The following SON variants were observed in gnomAD, a reference collection of about 807,000 sequenced individuals.
SON encodes SON DNA and RNA binding protein.
Under a neutral mutation model 173.3 loss-of-function variants are expected in SON, and 4 were observed. That is an observed-to-expected ratio of 0.02 (90% CI 0.01 to 0.05). The LOEUF (loss-of-function observed/expected upper bound fraction) is 0.05. Among genes scored for constraint, SON ranks in the 10% least tolerant of loss-of-function variants. The pLI is 1.00. For missense variants in SON, 2,626 were observed against 3,055.3 expected, an observed-to-expected ratio of 0.86 and a Z score of 3.31; for synonymous variants, 1,190 against 1,105.9, an observed-to-expected ratio of 1.08 and a Z score of -1.51.
chr21:33,576,078 T>A (rs887767342), intron 11 of SON, among the ~76,000 whole-genome samples, 185 bp downstream of exon 11: 2 of 152,130 alleles, frequency 1.3e-5, no homozygotes, highest in African/African-American at 4.8e-5. Context: ...TCCTATTTTT[T>A]AAAAAATTGG....
At chr21:33,566,935 G>A (rs1386983716) in intron 6 of SON, among the ~76,000 whole-genome samples, 8 of 152,074 alleles carry the variant, frequency 5.3e-5, no homozygotes, top group Non-Finnish European at 1.2e-4. Flanking sequence ...CAGATTTTGG[G>A]TTCAGTTCTG....
At position 33,559,542 on chromosome 21, in the gene SON, T is replaced by G; in HGVS notation, c.6469-45T>G. ...GTAGAAAATCTCAAACCATTTAATGTAGATATCATATTGAGCTTTAATTAA... is the reference window on the plus strand; with the variant it reads ...GTAGAAAATCTCAAACCATTTAATGGAGATATCATATTGAGCTTTAATTAA... On this transcript the variant is annotated intron_variant, in intron 5 of 11. Coordinates refer to ENST00000356577, the MANE Select transcript of SON (RefSeq NM_138927.4). The surrounding 1 kb of genome is among the most constrained non-coding windows in gnomAD (Gnocchi z 4.1). 1.3e-6 allele frequency: 2 copies of G among 1,540,844 alleles called. No individual in the cohort carries two copies. Among genetic ancestry groups the G allele is most frequent in the South Asian group, 2.4e-5 (2 of 83,596 alleles).
At position 33,559,754 on chromosome 21, in the gene SON, C is replaced by T. The variant is rs775820167; in HGVS notation, c.6636C>T (p.Phe2212=). 13 of 1,613,876 alleles carry T rather than the reference C, an allele frequency of 8.1e-6. No homozygotes were observed. Among genetic ancestry groups the T allele is most frequent in the Non-Finnish European group, 1.0e-5 (12 of 1,179,936 alleles). The change falls in exon 6 of 12, where the codon TTC becomes TTT. Residue 2212 remains phenylalanine (F), a synonymous_variant. Coordinates refer to ENST00000356577, the MANE Select transcript of SON (RefSeq NM_138927.4). This position sits in a 1 kb window ranked among gnomAD's most constrained non-coding sequence, Gnocchi z 4.1. ...AAAACAAAGATGATGATAATGTTTT[C>T]AGCAGCAATTTGCCCTCAGAGGTAA... is the stretch of plus-strand genomic sequence containing the variant. ...GEENKDDDNV[F]SSNLPSEPVD...
Position 33,552,644 on chromosome 21 carries a change from A to G in SON, c.3413A>G (p.Asp1138Gly). The change falls in exon 3 of 12, where the codon GAC becomes GGC. Residue 1138 changes from aspartate (D) to glycine (G), a missense_variant. Coordinates refer to ENST00000356577, the MANE Select transcript of SON (RefSeq NM_138927.4). The surrounding 1 kb of genome is among the most constrained non-coding windows in gnomAD (Gnocchi z 5.6). ...AADSYTDSYT[D>G]TYTEAYMVPP... ...GATTCTTACACCGATTCTTACACTG[A>G]CACATATACAGAGGCATATATGGTG... 6.2e-7 allele frequency: 1 copy of G among 1,614,042 alleles called. No homozygotes were observed. Among genetic ancestry groups the G allele is most frequent in the Non-Finnish European group, 8.5e-7 (1 of 1,180,006 alleles).
intron 11 of SON, 84 bp from the exon 12 acceptor site, chr21:33,576,281 T>C (rs768640485): frequency 7.3e-5 from 56 of 764,530 alleles, no homozygotes; most frequent in Admixed American, 6.2e-4. Context: ...TTGTAAATTA[T>C]TTTTCTAGCA....
intron 8 of SON, 116 bp downstream of exon 8, chr21:33,569,203 T>G: frequency 1.5e-6 from 1 of 645,308 alleles, no homozygotes; most frequent in Non-Finnish European, 2.8e-6. Context: ...CAAGTAAATT[T>G]GCTATGTGTA....
Position 33,546,300 on chromosome 21 carries a change from T to G in SON, c.165T>G (p.Ser55Arg). The G allele has an allele frequency of 6.2e-7, 1 of 1,613,100 alleles. No homozygotes were observed. The highest frequency in any genetic ancestry group is 8.5e-7 in the Non-Finnish European group (1 of 1,179,582). The change falls in exon 2 of 12, where the codon AGT becomes AGG. Residue 55 changes from serine to arginine, a missense_variant. Physicochemically the swap from Ser to Arg is moderately radical, Grantham distance 110. This residue lies in a region of SON where 757 missense variants were observed against 730.1 expected (regional missense o/e 1.04). Transcript: ENST00000356577. ...QAGDAAASAR[S>R]LPNEEIVQKI... ...GTGATGCAGCTGCCTCTGCCAGGAG[T>G]CTACCAAATGAAGAAATAGTGCAGA...
At position 33,559,179 on chromosome 21, in the gene SON, T is replaced by G. The variant is rs1355059725; in HGVS notation, c.6322-51T>G. 7.4e-7 allele frequency: 1 copy of G among 1,354,462 alleles called. No homozygotes were observed. The highest frequency in any genetic ancestry group is 2.7e-5 in the Admixed American group (1 of 37,684). 83.9% of individuals were successfully genotyped at this position (1,354,462 alleles called of 1,614,324 possible). Reference sequence around the variant, plus strand: ...GTGGTTTTGATTCTAAGAAATTACATGTTCTACATAAAGCGTAAGATTTAT... The same window carrying G: ...GTGGTTTTGATTCTAAGAAATTACAGGTTCTACATAAAGCGTAAGATTTAT... On this transcript the variant is annotated intron_variant, in intron 4 of 11. Coordinates refer to ENST00000356577, the MANE Select transcript of SON (RefSeq NM_138927.4). This position sits in a 1 kb window ranked among gnomAD's most constrained non-coding sequence, Gnocchi z 4.1.
chr21:33,548,294 TGTTATCTCTTTAGG>T (rs1011755250), intron 2 of SON, among the ~76,000 whole-genome samples: 3 of 151,754 alleles, frequency 2.0e-5, no homozygotes, highest in African/African-American at 7.3e-5. Flanking sequence ...TGGGGGAAAA[TGTTATCTCTTTAGG>T]GTATGTAAAT....
chr21:33,559,193 CG>C lies in SON; in HGVS notation c.6322-36del. 2 of 1,467,996 alleles carry C rather than the reference CG, an allele frequency of 1.4e-6. No individual in the cohort carries two copies. The allele number at this position is 1,467,996 out of a possible 1,614,324, so 90.9% of individuals were successfully genotyped here. Reference sequence around the variant, plus strand: ...AAGAAATTACATGTTCTACATAAAGCGTAAGATTTATCTTTTGTTTGTTTTT... The same window carrying C: ...AAGAAATTACATGTTCTACATAAAGCTAAGATTTATCTTTTGTTTGTTTTT... On this transcript the variant is annotated intron_variant, in intron 4 of 11. Transcript: ENST00000356577. The surrounding 1 kb of genome is among the most constrained non-coding windows in gnomAD (Gnocchi z 4.1).
At chr21:33,571,048 A>T (rs529419430) in intron 8 of SON, among the ~76,000 whole-genome samples, 1 of 152,340 alleles carries the variant, frequency 6.6e-6, no homozygotes, top group East Asian at 1.9e-4. Flanking sequence ...CCTTGAAAAA[A>T]GGCTTCAACT....
rs760453766 is a variant in SON, at chr21:33,550,208, T to C, written c.977T>C (p.Met326Thr). The change falls in exon 3 of 12, where the codon ATG (methionine) becomes ACG (threonine). Residue 326 changes from methionine (M) to threonine (T), a missense_variant. Met to Thr is a moderately conservative substitution (Grantham distance 81, BLOSUM62 -1). Coordinates refer to ENST00000356577, the MANE Select transcript of SON (RefSeq NM_138927.4). Reference protein sequence around the residue: ...VYPEPSTSTTMDFPESSAIEA... With the variant: ...VYPEPSTSTTTDFPESSAIEA... ...CCTGAGCCAAGCACATCAACAACAA[T>C]GGATTTTCCAGAGTCATCTGCAATT... 6.8e-6 allele frequency: 11 copies of C among 1,614,220 alleles called. No homozygotes were observed. In the South Asian group the frequency reaches 1.2e-4, roughly 18 times the overall value.
rs370508502 is a variant in SON at position 33,543,111 on chromosome 21, C to G, written c.19C>G (p.Gln7Glu). Reference protein sequence around the residue: MATNIEQIFRSFVVSKF... With the variant: MATNIEEIFRSFVVSKF... Reference sequence around the variant, plus strand: ...GGACGCCATGGCGACCAACATCGAGCAGATTTTTAGGTCTTTCGTGGTCAG... The same window carrying G: ...GGACGCCATGGCGACCAACATCGAGGAGATTTTTAGGTCTTTCGTGGTCAG... The change falls in exon 1 of 12, where the codon CAG becomes GAG. Residue 7 changes from glutamine (Q) to glutamate (E), a missense_variant. This residue lies in a region of SON where 757 missense variants were observed against 730.1 expected (regional missense o/e 1.04). Transcript: ENST00000356577. The G allele has an allele frequency of 3.7e-6, 6 of 1,614,138 alleles. No individual in the cohort carries two copies. In the African/African-American group the frequency reaches 6.7e-5, roughly 18 times the overall value.
Position 33,551,173 on chromosome 21 carries a change from A to G in SON, c.1942A>G (p.Thr648Ala), listed in dbSNP as rs1269885633. The change falls in exon 3 of 12, where the codon ACT becomes GCT. Residue 648 changes from threonine (T) to alanine (A), a missense_variant. Physicochemically the swap from Thr to Ala is moderately conservative, Grantham distance 58. Coordinates refer to ENST00000356577, the MANE Select transcript of SON (RefSeq NM_138927.4). Reference protein sequence around the residue: ...APELPGQPVATVALEISVQSV... With the variant: ...APELPGQPVAAVALEISVQSV... ...AGAGTTGCCTGGGCAGCCTGTGGCA[A>G]CTGTGGCGCTGGAGATCTCTGTTCA... is the stretch of plus-strand genomic sequence containing the variant. 1 of 1,614,022 alleles carries G rather than the reference A, an allele frequency of 6.2e-7. No homozygotes were observed. The highest frequency in any genetic ancestry group is 8.5e-7 in the Non-Finnish European group (1 of 1,179,920).
chr21:33,544,068 G>T (rs2085546563), intron 1 of SON, among the ~76,000 whole-genome samples: 2 of 152,206 alleles, frequency 1.3e-5, no homozygotes, highest in South Asian at 4.1e-4. Flanking sequence ...TTAAAGTACA[G>T]AAGTAGGAAA....
chr21:33,576,201 C>CT (rs2086396590), intron 11 of SON, among the ~76,000 whole-genome samples, 164 bp from the exon 12 acceptor site: 1 of 258 alleles, frequency 3.9e-3, no homozygotes, highest in East Asian at 0.17. Context: ...ATTTGCAGTC[C>CT]CTTTCCCAAA....
At position 33,549,845 on chromosome 21, in the gene SON, T is replaced by C; in HGVS notation, c.614T>C (p.Leu205Pro). Reference sequence around the variant, plus strand: ...TCAGAGCCACACATCTTAGAAACTCTGAAGCCAGCTACAAAAACTGCAGAA... The same window carrying C: ...TCAGAGCCACACATCTTAGAAACTCCGAAGCCAGCTACAAAAACTGCAGAA... ...EVSEPHILETLKPATKTAELS... is the reference protein window; with the variant it reads ...EVSEPHILETPKPATKTAELS... The change falls in exon 3 of 12, where the codon CTG becomes CCG. Residue 205 changes from leucine to proline, a missense_variant. Coordinates refer to ENST00000356577, the MANE Select transcript of SON (RefSeq NM_138927.4). 6.2e-7 allele frequency: 1 copy of C among 1,614,250 alleles called. No homozygotes were observed. Among genetic ancestry groups the C allele is most frequent in the Non-Finnish European group, 8.5e-7 (1 of 1,180,042 alleles).
Position 33,555,250 on chromosome 21 carries a change from A to C in SON, c.6019A>C (p.Arg2007=). The C allele has an allele frequency of 6.2e-7, 1 of 1,612,450 alleles. No individual in the cohort carries two copies. The highest frequency in any genetic ancestry group is 8.5e-7 in the Non-Finnish European group (1 of 1,179,436). ...GAGAAGATCAAGGTCTGTGGTAAGA[A>C]GACGAAGCTTCAGTATCTCACCAGT... ...RRRRSRSVVR[R]RSFSISPVRL... Residue 2007 remains arginine, a synonymous_variant, in exon 3 of 12, where the codon AGA becomes CGA. Coordinates refer to ENST00000356577, the MANE Select transcript of SON (RefSeq NM_138927.4).
At chr21:33,567,041 T>C (rs2086188337) in intron 6 of SON, 116 bp from the exon 7 acceptor site, 1 of 528,470 alleles carries the variant, frequency 1.9e-6, no homozygotes, top group African/African-American at 1.9e-5. Flanking sequence ...CCAAGATTAT[T>C]AGTATTATAA....
Sources: gnomAD v4.1 joint callset for allele counts (sites outside exome capture counted in the v4.1 genomes callset) on GRCh38, gnomAD v4.1.1 for gene constraint, gnomAD v4.1.1 regional missense constraint, Gnocchi (gnomAD v3.1) non-coding constraint, MANE v1.5 for transcripts, NCBI Gene and HGNC (gene_info 2026-07-23, HGNC 2026-07-21) for gene names.